GPC5: variants seen among roughly 807,000 people sequenced by gnomAD.
The protein encoded by GPC5 is glypican-5.
A neutral mutation model predicts 53.9 loss-of-function variants in GPC5; 47 were observed. That is an observed-to-expected ratio of 0.87 (90% CI 0.69 to 1.11). The LOEUF (loss-of-function observed/expected upper bound fraction) is 1.11, where lower values mean the gene tolerates loss of function less well. Among genes scored for constraint, GPC5 ranks in the 50% most tolerant of loss-of-function variants. The pLI is 0.00. For missense variants in GPC5, 748 were observed against 713.1 expected, an observed-to-expected ratio of 1.05 and a Z score of -0.56; for synonymous variants, 286 against 263.3, an observed-to-expected ratio of 1.09 and a Z score of -0.84.
At chr13:91,956,403 GT>G (rs1310961136) in intron 6 of GPC5, among the ~76,000 whole-genome samples, 1 of 151,972 alleles carries the variant, frequency 6.6e-6, no homozygotes, top group Non-Finnish European at 1.5e-5. Context: ...GAGGCACAGG[GT>G]TTTCCTGCCA....
chr13:91,540,536 T>C (rs2029878495), intron 2 of GPC5, among the ~76,000 whole-genome samples: 2 of 152,172 alleles, frequency 1.3e-5, no homozygotes, highest in Admixed American at 6.5e-5. Context: ...CTGAAGTTGA[T>C]TGTGGTGATG....
chr13:91,757,646 C>G (rs1314629270), intron 5 of GPC5, among the ~76,000 whole-genome samples: 1 of 152,142 alleles, frequency 6.6e-6, no homozygotes, highest in East Asian at 1.9e-4. Context: ...TTTGCTTCCC[C>G]TTATGCCATG....
At chr13:91,484,211 A>T (rs185627774) in intron 2 of GPC5, among the ~76,000 whole-genome samples, 1 of 152,316 alleles carries the variant, frequency 6.6e-6, no homozygotes, top group African/African-American at 2.4e-5. Context: ...ATCGTGAGAA[A>T]TGGTCTGATA....
At chr13:91,978,407 A>C (rs2040326888) in intron 6 of GPC5, among the ~76,000 whole-genome samples, 1 of 152,242 alleles carries the variant, frequency 6.6e-6, no homozygotes. Flanking sequence ...TTGATGGCAG[A>C]GGTAGATAAA....
intron 7 of GPC5, among the ~76,000 whole-genome samples, chr13:92,817,607 T>A (rs1877519971): frequency 6.6e-6 from 1 of 152,004 alleles, no homozygotes; most frequent in African/African-American, 2.4e-5. Flanking sequence ...ATCATAGGTA[T>A]CCAATTTCAT....
chr13:91,638,613 G>A (rs539124336), intron 2 of GPC5, among the ~76,000 whole-genome samples: 4 of 152,126 alleles, frequency 2.6e-5, no homozygotes, highest in Non-Finnish European at 4.4e-5. Flanking sequence ...TGATCTGCCC[G>A]CCTCAGCCTC....
chr13:91,549,172 G>A (rs1309365806), intron 2 of GPC5, among the ~76,000 whole-genome samples: 1 of 151,942 alleles, frequency 6.6e-6, no homozygotes, highest in African/African-American at 2.4e-5. Flanking sequence ...GTGAGGCTGA[G>A]GCAGGAGAAT....
At chr13:92,196,271 T>C (rs2042256158) in intron 7 of GPC5, among the ~76,000 whole-genome samples, 1 of 152,180 alleles carries the variant, frequency 6.6e-6, no homozygotes, top group Non-Finnish European at 1.5e-5. Flanking sequence ...TTTATGCTGA[T>C]AGCACCTGAT....
intron 7 of GPC5, among the ~76,000 whole-genome samples, chr13:92,546,493 G>A: frequency 6.6e-6 from 1 of 151,988 alleles, no homozygotes; most frequent in Non-Finnish European, 1.5e-5. Flanking sequence ...GAGAACTACA[G>A]ACTACTGCTC....
At chr13:92,866,166 C>A in intron 7 of GPC5, 116 bp from the exon 8 acceptor site, 1 of 742,506 alleles carries the variant, frequency 1.3e-6, no homozygotes, top group Non-Finnish European at 2.0e-6. Context: ...GTTAGGTGAA[C>A]ATAGAGAATG....
At chr13:91,930,683 C>T (rs989165300) in intron 6 of GPC5, among the ~76,000 whole-genome samples, 5 of 152,002 alleles carry the variant, frequency 3.3e-5, no homozygotes, top group Non-Finnish European at 7.4e-5. Context: ...CTAAACAGTA[C>T]TAAATGCAAA....
chr13:92,079,851 T>G (rs1397592034), intron 6 of GPC5, among the ~76,000 whole-genome samples: 1 of 152,188 alleles, frequency 6.6e-6, no homozygotes, highest in Non-Finnish European at 1.5e-5. Context: ...TTGCCTTTCC[T>G]TCAATGCTGC....
At chr13:91,413,300 A>C (rs1424607570) in intron 1 of GPC5, among the ~76,000 whole-genome samples, 1 of 152,148 alleles carries the variant, frequency 6.6e-6, no homozygotes, top group Non-Finnish European at 1.5e-5. Flanking sequence ...AAAAACCAAA[A>C]TGAACAAGTG....
intron 2 of GPC5, among the ~76,000 whole-genome samples, chr13:91,570,724 A>G (rs895264790): frequency 2.0e-5 from 3 of 152,276 alleles, no homozygotes; most frequent in African/African-American, 7.2e-5. Flanking sequence ...TCTCTGTGCT[A>G]TGTTTTAAAA....
chr13:91,663,925 C>T (rs1299275756), intron 2 of GPC5, among the ~76,000 whole-genome samples: 1 of 152,186 alleles, frequency 6.6e-6, no homozygotes, highest in Non-Finnish European at 1.5e-5. Context: ...GATCTTCTTG[C>T]CTCAGCCTCC....
chr13:92,733,780 C>T lies in GPC5; in HGVS notation c.1562-132502C>T, dbSNP rs114724215. On this transcript the variant is annotated intron_variant, in intron 7 of 7. Coordinates refer to ENST00000377067, the MANE Select transcript of GPC5 (RefSeq NM_004466.6). ...TTCTTTTCCTTATCTCTTTTTATAT[C>T]ATTGTGGATATTTGTATTAGTAATT... Among the ~76,000 whole-genome samples, 1,270 of 151,682 alleles carry T rather than the reference C, an allele frequency of 8.4e-3. 17 individuals carry two copies. The highest frequency in any genetic ancestry group is 0.029 in the African/African-American group (1,216 of 41,460).
At chr13:92,202,289 T>C (rs2139062215) in intron 7 of GPC5, among the ~76,000 whole-genome samples, 1 of 152,326 alleles carries the variant, frequency 6.6e-6, no homozygotes, top group Middle Eastern at 3.4e-3. Flanking sequence ...TTGAGATAGA[T>C]TTAGCATGCA....
intron 7 of GPC5, among the ~76,000 whole-genome samples, chr13:92,343,259 C>T (rs2043382319): frequency 6.6e-6 from 1 of 152,118 alleles, no homozygotes; most frequent in South Asian, 2.1e-4. Flanking sequence ...TATGTCTGTG[C>T]CTTCATCCCA....
chr13:92,603,264 G>T (rs1884141626), intron 7 of GPC5, among the ~76,000 whole-genome samples: 1 of 152,104 alleles, frequency 6.6e-6, no homozygotes, highest in Non-Finnish European at 1.5e-5. Context: ...CATCAAGTCT[G>T]CTCAGCTAAC....
Sources: allele counts gnomAD v4.1 joint callset (sites outside exome capture counted in the v4.1 genomes callset), GRCh38; gene constraint gnomAD v4.1.1; transcripts MANE v1.5; gene names NCBI Gene and HGNC (gene_info 2026-07-23, HGNC 2026-07-21).